The following ZNF639 variants were observed in gnomAD, a reference collection of about 807,000 sequenced individuals.
The protein encoded by ZNF639 is zinc finger protein 639, also known as zinc finger amplified in esophageal squamous cell carcinomas 1.
Under a neutral mutation model 39.8 loss-of-function variants are expected in ZNF639, and 20 were observed. The ratio of observed to expected loss-of-function variants is 0.50; its 90% CI spans 0.35 to 0.73. The LOEUF is 0.73. Ranked by LOEUF, ZNF639 falls within the 30% of genes least tolerant of loss-of-function variation. The pLI is 0.00. For synonymous variants in ZNF639, 176 were observed against 189.8 expected (o/e 0.93, Z 0.60); for missense variants, 477 against 566.2 (o/e 0.84, Z 1.60).
chr3:179,333,131 G>T lies in ZNF639; in HGVS notation c.304+8G>T, dbSNP rs773750913. 1.4e-5 allele frequency: 22 copies of T among 1,587,456 alleles called. No homozygotes were observed. The highest frequency in any genetic ancestry group is 1.9e-5 in the Non-Finnish European group (22 of 1,170,878). On this transcript the variant is annotated splice_region_variant and intron_variant, in intron 5 of 5. Transcript: ENST00000496856. ...ACACTGCCTTTTCTACAGGTTGGGG[G>T]AACTAATTTATAGCATTGATATATT...
chr3:179,333,025 C>G lies in ZNF639; in HGVS notation c.206C>G (p.Pro69Arg). ...GATACCGAGACGTCAAATGACTTGCCAAAATTTGCAGATGGAATCAAGGCC... is the reference window on the plus strand; with the variant it reads ...GATACCGAGACGTCAAATGACTTGCGAAAATTTGCAGATGGAATCAAGGCC... The part of the protein sequence containing the change: ...DSDTETSNDL[P>R]KFADGIKARN... Residue 69 changes from proline to arginine, a missense_variant, in exon 5 of 6, where the codon CCA becomes CGA. By Grantham distance (103) the Pro-to-Arg change is moderately radical (BLOSUM62 -2). Transcript: ENST00000496856. The G allele has an allele frequency of 6.4e-7, 1 of 1,557,088 alleles. No homozygotes were observed. Among genetic ancestry groups the G allele is most frequent in the Non-Finnish European group, 8.7e-7 (1 of 1,149,618 alleles).
chr3:179,333,910 C>A lies in ZNF639; in HGVS notation c.946C>A (p.Gln316Lys), dbSNP rs769499400. 2 of 1,614,042 alleles carry A rather than the reference C, an allele frequency of 1.2e-6. No individual in the cohort carries two copies. Among genetic ancestry groups the A allele is most frequent in the African/African-American group, 1.3e-5 (1 of 74,930 alleles). The change falls in exon 6 of 6, where the codon CAG becomes AAG. Residue 316 changes from glutamine (Q) to lysine (K), a missense_variant. Coordinates refer to ENST00000496856, the MANE Select transcript of ZNF639 (RefSeq NM_001303426.2). ...TTTCCAGGAGCACAGCTGTGATGAA[C>A]AGTACTTGTGTCAGTTCTGTGAACA... ...LHFQEHSCDE[Q>K]YLCQFCEHET...
In ZNF639 at chr3:179,323,233, G is replaced by A; in HGVS notation, c.-141G>A. On this transcript the variant is annotated 5_prime_UTR_variant, in exon 1 of 6. Coordinates refer to ENST00000496856, the MANE Select transcript of ZNF639 (RefSeq NM_001303426.2). The stretch of plus-strand genomic sequence containing the variant: ...AGGACCGCGCGGCCCCTCCGCCTGC[G>A]CTCTCGGCCGCCGCCGCCTCTGCGT... 1 of 985,240 alleles carries A rather than the reference G, an allele frequency of 1.0e-6. No homozygotes were observed. The highest frequency in any genetic ancestry group is 1.2e-6 in the Non-Finnish European group (1 of 830,016). The allele number at this position is 985,240 out of a possible 1,614,324, so 61.0% of individuals were successfully genotyped here. A position where few individuals can be genotyped will look rare whatever the true frequency, so the allele number is the denominator to read the frequency against.
intron 1 of ZNF639, among the ~76,000 whole-genome samples, chr3:179,324,677 TC>T (rs1367021856): frequency 6.6e-6 from 1 of 152,230 alleles, no homozygotes; most frequent in East Asian, 1.9e-4. Flanking sequence ...CCCTTCCTGA[TC>T]CGTGTGCCTC....
rs1727682994 is a variant in ZNF639, at chr3:179,327,855, A to C, written c.-12+224A>C. On this transcript the variant is annotated intron_variant, in intron 2 of 5. Coordinates refer to ENST00000496856, the MANE Select transcript of ZNF639 (RefSeq NM_001303426.2). ...ACATATTTGTGACAATATTTTTTTA[A>C]AGGAAATGTCTCCGCCTTTAGCTTG... 1.3e-5 allele frequency: 2 copies of C among 153,302 alleles called. 1 individual carries two copies. Among genetic ancestry groups the C allele is most frequent in the South Asian group, 4.1e-4 (2 of 4,908 alleles). The allele number at this position is 153,302 out of a possible 1,614,324, so 9.5% of individuals were successfully genotyped here.
Position 179,329,909 on chromosome 3 carries a change from C to CTTTT in ZNF639, c.169+199_169+202dup, listed in dbSNP as rs71181282. ...AAGAAAGCAAGTAATTTTAACTATT[C>CTTTT]TTTTTTTTTTTTTTTTTTTTTGAGA... On this transcript the variant is annotated intron_variant, in intron 4 of 5. Transcript: ENST00000496856. The CTTTT allele has an allele frequency of 7.8e-4, 163 of 208,648 alleles. 3 individuals are homozygous for CTTTT. The highest frequency in any genetic ancestry group is 3.8e-3 in the African/African-American group (113 of 29,674). The allele number at this position is 208,648 out of a possible 1,614,324, so 12.9% of individuals were successfully genotyped here.
chr3:179,331,672 G>A (rs1172568025), intron 4 of ZNF639, among the ~76,000 whole-genome samples: 1 of 151,668 alleles, frequency 6.6e-6, no homozygotes, highest in Non-Finnish European at 1.5e-5. Flanking sequence ...CTACTCGGGA[G>A]GCTGAGGCAG....
intron 4 of ZNF639, among the ~76,000 whole-genome samples, chr3:179,330,224 T>G (rs552845103): frequency 5.3e-5 from 8 of 152,164 alleles, no homozygotes; most frequent in Non-Finnish European, 1.0e-4. Flanking sequence ...ATTTTAACTT[T>G]TAACATTATT....
chr3:179,325,947 C>T (rs965920611), intron 1 of ZNF639, among the ~76,000 whole-genome samples: 4 of 152,130 alleles, frequency 2.6e-5, no homozygotes, highest in African/African-American at 4.8e-5. Flanking sequence ...TATATCACTT[C>T]AGTGCTGATA....
In ZNF639 at chr3:179,323,182, C is replaced by T. The variant is rs1727377536; in HGVS notation, c.-192C>T. 8 of 984,598 alleles carry T rather than the reference C, an allele frequency of 8.1e-6. No individual in the cohort carries two copies. The highest frequency in any genetic ancestry group is 9.6e-6 in the Non-Finnish European group (8 of 829,784). 61.0% of individuals were successfully genotyped at this position (984,598 alleles called of 1,614,324 possible). A position where few individuals can be genotyped will look rare whatever the true frequency, so the allele number is the denominator to read the frequency against. On this transcript the variant is annotated 5_prime_UTR_variant, in exon 1 of 6. Coordinates refer to ENST00000496856, the MANE Select transcript of ZNF639 (RefSeq NM_001303426.2). ...CGGGAGCGCTAGGGCCGGAGCAGCG[C>T]TGCCCGCCGCCGTGCGTCCGCGGGA... is the stretch of plus-strand genomic sequence containing the variant.
At chr3:179,330,868 T>A (rs1727867081) in intron 4 of ZNF639, among the ~76,000 whole-genome samples, 1 of 152,212 alleles carries the variant, frequency 6.6e-6, no homozygotes, top group Non-Finnish European at 1.5e-5. Context: ...TTACTATAGA[T>A]TCAGATGGCT....
At position 179,329,930 on chromosome 3, in the gene ZNF639, TGA is replaced by T. The variant is rs1280421321; in HGVS notation, c.169+205_169+206del. 1.3e-3 allele frequency: 353 copies of T among 276,192 alleles called. 8 individuals carry two copies. The highest frequency in any genetic ancestry group is 4.3e-4 in the Non-Finnish European group (63 of 147,306). The allele number at this position is 276,192 out of a possible 1,614,324, so 17.1% of individuals were successfully genotyped here. ...TATTCTTTTTTTTTTTTTTTTTTTT[TGA>T]GATGGAGTCTCGCTTTGTCGCCCAG... On this transcript the variant is annotated intron_variant, in intron 4 of 5. Coordinates refer to ENST00000496856, the MANE Select transcript of ZNF639 (RefSeq NM_001303426.2).
At chr3:179,332,920 A>G (rs1475139989) in intron 4 of ZNF639, 69 bp from the exon 5 acceptor site, 4 of 1,446,176 alleles carry the variant, frequency 2.8e-6, no homozygotes, top group Middle Eastern at 1.8e-4. Flanking sequence ...TTAAAAATTG[A>G]TGCTTTGTTC....
intron 3 of ZNF639, among the ~76,000 whole-genome samples, chr3:179,329,357 G>A (rs530364265): frequency 6.6e-6 from 1 of 152,122 alleles, no homozygotes; most frequent in South Asian, 2.1e-4. Context: ...TTTATTTTGT[G>A]TGATTCTGAG....
In ZNF639 at chr3:179,336,866, G is replaced by A. The variant is rs1318161965; in HGVS notation, c.*2444G>A. On this transcript the variant is annotated 3_prime_UTR_variant, in exon 6 of 6. Transcript: ENST00000496856. ...ATGCTTTTTATACATCTAGCTCCAG[G>A]AATTGGATTTTTGGAAAAACACCTT... 3 of 152,196 alleles carry A rather than the reference G, an allele frequency of 2.0e-5. No individual in the cohort carries two copies. Among genetic ancestry groups the A allele is most frequent in the Admixed American group, 6.5e-5 (1 of 15,272 alleles). 9.4% of individuals were successfully genotyped at this position (152,196 alleles called of 1,614,324 possible).
At chr3:179,333,169 A>T (rs755201255) in intron 5 of ZNF639, 46 bp downstream of exon 5, 2 of 1,565,564 alleles carry the variant, frequency 1.3e-6, no homozygotes, top group South Asian at 2.4e-5. Flanking sequence ...GTATTGGTGA[A>T]TTTTAAAAAA....
intron 3 of ZNF639, 125 bp downstream of exon 3, chr3:179,328,476 G>A (rs559678858): frequency 1.2e-5 from 7 of 578,762 alleles, no homozygotes; most frequent in Middle Eastern, 3.9e-4. Context: ...GTAAAACAAC[G>A]GTTTAAATAC....
At chr3:179,328,714 A>G (rs1273962563) in intron 3 of ZNF639, among the ~76,000 whole-genome samples, 1 of 152,144 alleles carries the variant, frequency 6.6e-6, no homozygotes, top group African/African-American at 2.4e-5. Flanking sequence ...ATTATTGGGG[A>G]AAAAAGACTT....
In ZNF639 at chr3:179,323,055, C is replaced by T. The variant is rs1197541615; in HGVS notation, c.-319C>T. On this transcript the variant is annotated 5_prime_UTR_variant, in exon 1 of 6. Transcript: ENST00000496856. ...TGAGGTGCGCGGCGCAGGCGCGGAG[C>T]GTGGCGGCCAGGGCAGTGCGGCCGC... 38 of 984,920 alleles carry T rather than the reference C, an allele frequency of 3.9e-5. No individual in the cohort carries two copies. Among genetic ancestry groups the T allele is most frequent in the Non-Finnish European group, 4.2e-5 (35 of 830,006 alleles). The allele number at this position is 984,920 out of a possible 1,614,324, so 61.0% of individuals were successfully genotyped here. A position where few individuals can be genotyped will look rare whatever the true frequency, so the allele number is the denominator to read the frequency against.
Sources: allele counts gnomAD v4.1 joint callset (sites outside exome capture counted in the v4.1 genomes callset), GRCh38; gene constraint gnomAD v4.1.1; transcripts MANE v1.5; gene names NCBI Gene and HGNC (gene_info 2026-07-23, HGNC 2026-07-21).